LINGO2: variants seen among roughly 807,000 people sequenced by gnomAD.
LINGO2 encodes the protein leucine rich repeat and Ig domain containing 2.
In LINGO2, 14 loss-of-function variants were observed where a neutral mutation model predicts 30.6. The ratio of observed to expected loss-of-function variants is 0.46; its 90% confidence interval spans 0.30 to 0.72. LINGO2 has a LOEUF of 0.72. Ranked by LOEUF, LINGO2 falls within the 30% of genes least tolerant of loss-of-function variation. The pLI, the probability that LINGO2 is intolerant of heterozygous loss-of-function variation, is 0.07. For synonymous variants in LINGO2, 317 were observed against 288.5 expected, an observed-to-expected ratio of 1.10 and a Z score of -1.00; for missense variants, 729 against 751.7, an observed-to-expected ratio of 0.97 and a Z score of 0.35.
At chr9:28,661,429 G>T (rs1322111355) in intron 1 of LINGO2, among the ~76,000 whole-genome samples, 1 of 152,088 alleles carries the variant, frequency 6.6e-6, no homozygotes, top group Non-Finnish European at 1.5e-5. Flanking sequence ...CATCAAAACT[G>T]CCTGCCCATT....
chr9:28,808,810 G>T, the LINGO2 span, among the ~76,000 whole-genome samples: 1 of 152,040 alleles, frequency 6.6e-6, no homozygotes, highest in Non-Finnish European at 1.5e-5. Flanking sequence ...AATATTTAAG[G>T]AAGGCTTAAC....
the LINGO2 span, among the ~76,000 whole-genome samples, chr9:28,865,814 A>T: frequency 6.6e-6 from 1 of 152,084 alleles, no homozygotes; most frequent in Non-Finnish European, 1.5e-5. Flanking sequence ...GAAACAAAAA[A>T]CAATCATCTC....
intron 1 of LINGO2, among the ~76,000 whole-genome samples, chr9:28,477,545 A>G (rs1244999084): frequency 6.6e-6 from 1 of 152,130 alleles, no homozygotes; most frequent in African/African-American, 2.4e-5. Context: ...AGGAAACTGA[A>G]ACATTTGCCT....
the LINGO2 span, among the ~76,000 whole-genome samples, chr9:28,722,824 G>GTCGT: frequency 2.7e-4 from 41 of 152,134 alleles, no homozygotes; most frequent in Non-Finnish European, 3.5e-4. Flanking sequence ...TGCCAGCCTT[G>GTCGT]TGATAAGTCG....
At chr9:28,478,712 A>C (rs1405349417) in intron 1 of LINGO2, among the ~76,000 whole-genome samples, 1 of 152,132 alleles carries the variant, frequency 6.6e-6, no homozygotes, top group Non-Finnish European at 1.5e-5. Flanking sequence ...ACAATACATC[A>C]CTAAGTAGTT....
the LINGO2 span, among the ~76,000 whole-genome samples, chr9:28,824,228 C>G: frequency 4.6e-5 from 7 of 152,152 alleles, no homozygotes; most frequent in Non-Finnish European, 7.3e-5. Flanking sequence ...AGGCAAAACT[C>G]TAGCTTGAAG....
chr9:28,120,285 C>T (rs368452673), intron 4 of LINGO2, among the ~76,000 whole-genome samples: 63 of 152,320 alleles, frequency 4.1e-4, no homozygotes, highest in South Asian at 3.9e-3. Context: ...AATACCTTAA[C>T]GCCTGTCACA....
At chr9:29,010,161 A>T in the LINGO2 span, among the ~76,000 whole-genome samples, 1 of 152,216 alleles carries the variant, frequency 6.6e-6, no homozygotes, top group Non-Finnish European at 1.5e-5. Flanking sequence ...CAATGGCAAC[A>T]AAAGCCAAAA....
intron 1 of LINGO2, among the ~76,000 whole-genome samples, chr9:28,493,260 T>C (rs1313096178): frequency 1.3e-5 from 2 of 152,186 alleles, no homozygotes; most frequent in Non-Finnish European, 2.9e-5. Flanking sequence ...TACTTCCACC[T>C]ACATTTCTTT....
chr9:28,887,287 C>A, the LINGO2 span, among the ~76,000 whole-genome samples: 1 of 151,580 alleles, frequency 6.6e-6, no homozygotes, highest in Non-Finnish European at 1.5e-5. Context: ...TTTTTTTTCT[C>A]TAGTTATTGA....
At chr9:28,035,415 C>T (rs1003933743) in intron 4 of LINGO2, among the ~76,000 whole-genome samples, 4 of 152,236 alleles carry the variant, frequency 2.6e-5, no homozygotes, top group Non-Finnish European at 5.9e-5. Context: ...TTGTGAAGGT[C>T]TTTTACAGTT....
At chr9:28,693,678 T>C in the LINGO2 span, among the ~76,000 whole-genome samples, 2 of 152,100 alleles carry the variant, frequency 1.3e-5, no homozygotes, top group East Asian at 3.9e-4. Flanking sequence ...TCATTCAAAG[T>C]ACAGCTCTGA....
At chr9:28,513,634 T>C (rs1461213727) in intron 1 of LINGO2, among the ~76,000 whole-genome samples, 1 of 152,240 alleles carries the variant, frequency 6.6e-6, no homozygotes, top group Non-Finnish European at 1.5e-5. Flanking sequence ...AAATACTGGA[T>C]GAGTCTACTT....
At chr9:28,499,692 T>G (rs549277692) in intron 1 of LINGO2, among the ~76,000 whole-genome samples, 2 of 152,264 alleles carry the variant, frequency 1.3e-5, no homozygotes, top group South Asian at 4.1e-4. Flanking sequence ...CATAGCACAG[T>G]ACATGGCCAT....
At chr9:28,948,182 C>A in the LINGO2 span, among the ~76,000 whole-genome samples, 24,967 of 151,770 alleles carry the variant, frequency 0.16, 2,086 homozygotes, top group South Asian at 0.2. Context: ...TAAATATCAG[C>A]AATAGCATAT....
intron 4 of LINGO2, among the ~76,000 whole-genome samples, chr9:28,208,357 A>G (rs1180754689): frequency 6.6e-6 from 1 of 152,130 alleles, no homozygotes; most frequent in Non-Finnish European, 1.5e-5. Flanking sequence ...TGTTAAATCT[A>G]TTCAAAGCAT....
the LINGO2 span, among the ~76,000 whole-genome samples, chr9:28,871,374 A>G: frequency 1.4e-5 from 2 of 138,634 alleles, no homozygotes; most frequent in Non-Finnish European, 3.3e-5. Flanking sequence ...TCTAGAACAC[A>G]CATACCAACT....
At chr9:29,136,554 T>A in the LINGO2 span, among the ~76,000 whole-genome samples, 2 of 152,158 alleles carry the variant, frequency 1.3e-5, no homozygotes, top group Admixed American at 1.3e-4. Flanking sequence ...ATACTTTTCC[T>A]CTTAAAATAT....
chr9:28,189,639 GGA>G (rs1398353908), intron 4 of LINGO2, among the ~76,000 whole-genome samples: 11 of 70,044 alleles, frequency 1.6e-4, no homozygotes, highest in South Asian at 5.5e-4. Context: ...GAGGGAGGAA[GGA>G]AGGGAGGGAG....
Sources: gnomAD v4.1 joint callset for allele counts (sites outside exome capture counted in the v4.1 genomes callset) on GRCh38, gnomAD v4.1.1 for gene constraint, MANE v1.5 for transcripts, NCBI Gene and HGNC (gene_info 2026-07-23, HGNC 2026-07-21) for gene names.